CTNNA3: variants seen among roughly 807,000 people sequenced by gnomAD.
The protein encoded by CTNNA3 is catenin alpha 3.
Under a neutral mutation model 95.7 loss-of-function variants are expected in CTNNA3, and 76 were observed. The observed-to-expected ratio is 0.79, with a 90% CI of 0.66 to 0.96. CTNNA3 has a LOEUF of 0.96. CTNNA3 is among the 40% of genes least tolerant of loss of function. The pLI is 0.00. For synonymous variants in CTNNA3, 431 were observed against 374.4 expected, an observed-to-expected ratio of 1.15 and a Z score of -1.74; for missense variants, 1,191 against 1,089.8, an observed-to-expected ratio of 1.09 and a Z score of -1.31.
chr10:66,766,147 CT>C, intron 9 of CTNNA3, 116 bp downstream of exon 9: 1 of 968,426 alleles, frequency 1.0e-6, no homozygotes, highest in Admixed American at 2.0e-5. Context: ...TGGCCAGACT[CT>C]GCTGTATTTG....
At chr10:67,083,545 T>G (rs1857152716) in intron 7 of CTNNA3, among the ~76,000 whole-genome samples, 1 of 152,216 alleles carries the variant, frequency 6.6e-6, no homozygotes, top group Admixed American at 6.5e-5. Context: ...TGTGAATTGT[T>G]TTTATTTTTT....
At chr10:66,373,780 C>A (rs531028786) in intron 12 of CTNNA3, among the ~76,000 whole-genome samples, 14 of 152,256 alleles carry the variant, frequency 9.2e-5, no homozygotes, top group African/African-American at 3.1e-4. Context: ...TAGGTTCAGT[C>A]AGATCTTTCA....
intron 1 of CTNNA3, among the ~76,000 whole-genome samples, chr10:67,691,706 G>A (rs1328770358): frequency 3.3e-5 from 5 of 151,510 alleles, no homozygotes; most frequent in South Asian, 2.1e-4. Flanking sequence ...CAGCCACCCC[G>A]TCTGGGAAGT....
intron 12 of CTNNA3, among the ~76,000 whole-genome samples, chr10:66,331,338 G>GCTTGCTTTTTTTTTTTTTTTTTTTTTTT (rs1417713676): frequency 5.1e-5 from 2 of 39,110 alleles, no homozygotes; most frequent in African/African-American, 1.4e-4. Context: ...TTTCCCCATT[G>GCTTGCTTTTTTTTTTTTTTTTTTTTTTT]TTTGTTTTTT....
At chr10:65,994,692 T>C (rs2078615783) in intron 15 of CTNNA3, among the ~76,000 whole-genome samples, 2 of 152,154 alleles carry the variant, frequency 1.3e-5, no homozygotes, top group South Asian at 4.1e-4. Flanking sequence ...TGGATGTTCA[T>C]ATCTCTCCTA....
chr10:66,452,409 T>C (rs7084917), intron 11 of CTNNA3, among the ~76,000 whole-genome samples: 57,069 of 151,846 alleles, frequency 0.38, 11,184 homozygotes, highest in African/African-American at 0.48. Flanking sequence ...ATTATGACAG[T>C]GAAATAAATC....
At chr10:67,750,739 C>T in intron 1 of CTNNA3, 1 of 1,587,658 alleles carries the variant, frequency 6.3e-7, no homozygotes, top group Admixed American at 1.7e-5. Context: ...GGATGAGGGG[C>T]TGGTGAAAGC....
intron 13 of CTNNA3, among the ~76,000 whole-genome samples, chr10:66,270,308 C>G (rs1023075480): frequency 6.6e-6 from 1 of 152,036 alleles, no homozygotes; most frequent in African/African-American, 2.4e-5. Context: ...AGGGTCAAGC[C>G]ATCCTCCTGC....
chr10:66,782,788 A>G (rs1358010886), intron 7 of CTNNA3, among the ~76,000 whole-genome samples: 3 of 152,168 alleles, frequency 2.0e-5, no homozygotes, highest in Admixed American at 1.3e-4. Context: ...TATCTATCCT[A>G]TTAGTTATTA....
chr10:66,253,624 G>T (rs1443215176), intron 13 of CTNNA3, among the ~76,000 whole-genome samples: 3 of 152,146 alleles, frequency 2.0e-5, no homozygotes, highest in Non-Finnish European at 2.9e-5. Flanking sequence ...CCACAGTACT[G>T]GTGCTATGAA....
At chr10:66,909,240 C>A (rs145960659) in intron 7 of CTNNA3, among the ~76,000 whole-genome samples, 167 of 152,210 alleles carry the variant, frequency 1.1e-3, no homozygotes, top group African/African-American at 3.8e-3. Flanking sequence ...ACCAGCCGGG[C>A]GCGGTGGCTC....
intron 7 of CTNNA3, among the ~76,000 whole-genome samples, chr10:66,857,330 T>C (rs766155704): frequency 3.3e-5 from 5 of 152,086 alleles, no homozygotes; most frequent in Non-Finnish European, 7.4e-5. Flanking sequence ...TGAAATCAGG[T>C]AATGTGATGC....
chr10:67,579,204 T>G (rs1477574503), intron 3 of CTNNA3, among the ~76,000 whole-genome samples: 1 of 40,478 alleles, frequency 2.5e-5, no homozygotes, highest in Admixed American at 3.6e-4. Context: ...CCATCCCCCC[T>G]CCCCCCACCC....
chr10:67,601,794 C>T (rs1273152610), intron 3 of CTNNA3, among the ~76,000 whole-genome samples: 6 of 152,114 alleles, frequency 3.9e-5, no homozygotes, highest in African/African-American at 7.2e-5. Context: ...GTATTACTTA[C>T]AATGTGAACC....
chr10:67,183,155 C>G lies in CTNNA3; in HGVS notation c.844-2635G>C, dbSNP rs191704652. ...GTGATTCCTCAGGGATCTAGAACTA[C>G]AAATACCATTTGACCCAGCCATCCC... is the stretch of plus-strand genomic sequence containing the variant. On this transcript the variant is annotated intron_variant, in intron 6 of 17. Coordinates refer to ENST00000433211, the MANE Select transcript of CTNNA3 (RefSeq NM_013266.4). Among the ~76,000 whole-genome samples the G allele has an allele frequency of 2.9e-3, 446 of 152,192 alleles. 2 individuals are homozygous for G. Among genetic ancestry groups the G allele is most frequent in the Non-Finnish European group, 4.5e-3 (306 of 68,010 alleles).
chr10:67,221,516 AC>A (rs1316381196), intron 5 of CTNNA3, among the ~76,000 whole-genome samples: 1 of 152,184 alleles, frequency 6.6e-6, no homozygotes, highest in African/African-American at 2.4e-5. Context: ...CGTCAGTATA[AC>A]TTCCAAGCCC....
chr10:67,045,689 C>T (rs1382722459), intron 7 of CTNNA3, among the ~76,000 whole-genome samples: 5 of 152,164 alleles, frequency 3.3e-5, no homozygotes, highest in Admixed American at 6.5e-5. Flanking sequence ...ATGGGGCGGC[C>T]CCCAGGCGGG....
intron 13 of CTNNA3, among the ~76,000 whole-genome samples, chr10:66,133,518 A>G (rs1023104491): frequency 1.3e-5 from 2 of 151,688 alleles, no homozygotes; most frequent in Non-Finnish European, 2.9e-5. Flanking sequence ...GTCTTAAAAA[A>G]AAAAACAAAA....
At chr10:66,799,213 AT>A (rs1564690945) in intron 7 of CTNNA3, among the ~76,000 whole-genome samples, 1 of 151,668 alleles carries the variant, frequency 6.6e-6, no homozygotes, top group Non-Finnish European at 1.5e-5. Flanking sequence ...ACAATAAAAA[AT>A]AAATAGTCAT....
Sources: allele counts gnomAD v4.1 joint callset (sites outside exome capture counted in the v4.1 genomes callset), GRCh38; gene constraint gnomAD v4.1.1; transcripts MANE v1.5; gene names NCBI Gene and HGNC (gene_info 2026-07-23, HGNC 2026-07-21).